Variants in WWOX observed in about 807,000 individuals in gnomAD.
WWOX encodes the protein WW domain-containing oxidoreductase.
Under a neutral mutation model 46.2 loss-of-function variants are expected in WWOX, and 69 were observed. The ratio of observed to expected loss-of-function variants is 1.49; its 90% confidence interval spans 1.23 to 1.82. The LOEUF (loss-of-function observed/expected upper bound fraction) is 1.82, where lower values mean the gene tolerates loss of function less well. Ranked by LOEUF, WWOX falls within the 40% of genes most tolerant of loss-of-function variation. The probability of loss-of-function intolerance (pLI) is 0.00; values close to 1 mark genes in which losing one functional copy is unlikely to be tolerated. For synonymous variants in WWOX, 359 were observed against 202.6 expected, an observed-to-expected ratio of 1.77 and a Z score of -6.56; for missense variants, 919 against 542.6, an observed-to-expected ratio of 1.69 and a Z score of -6.89.
intron 8 of WWOX, among the ~76,000 whole-genome samples, chr16:78,804,688 G>T (rs903044084): frequency 6.6e-6 from 1 of 151,682 alleles, no homozygotes; most frequent in Non-Finnish European, 1.5e-5. Context: ...TCAAATTTCT[G>T]TTTTTTTTCT....
intron 8 of WWOX, among the ~76,000 whole-genome samples, chr16:78,839,583 A>G (rs906535643): frequency 6.6e-6 from 1 of 152,210 alleles, no homozygotes; most frequent in Admixed American, 6.5e-5. Flanking sequence ...CTATGAAATG[A>G]ACTGCATCCC....
intron 7 of WWOX, among the ~76,000 whole-genome samples, chr16:78,428,975 C>G (rs1269713213): frequency 6.6e-6 from 1 of 152,162 alleles, no homozygotes; most frequent in Non-Finnish European, 1.5e-5. Context: ...GGGAAACTGT[C>G]AAATTCTCAT....
intron 8 of WWOX, among the ~76,000 whole-genome samples, chr16:78,487,410 G>A (rs1239915068): frequency 6.6e-6 from 1 of 152,094 alleles, no homozygotes; most frequent in African/African-American, 2.4e-5. Flanking sequence ...ATCTATTAAG[G>A]ATGAGTCCAC....
chr16:78,707,842 T>A (rs572019947), intron 8 of WWOX, among the ~76,000 whole-genome samples: 587 of 15,336 alleles, frequency 0.038, 2 homozygotes, highest in African/African-American at 0.1. Flanking sequence ...CTCAAAAATA[T>A]AAATAAATAA....
chr16:78,749,359 C>A (rs1027662684), intron 8 of WWOX, among the ~76,000 whole-genome samples: 4 of 152,022 alleles, frequency 2.6e-5, no homozygotes, highest in Admixed American at 1.3e-4. Flanking sequence ...CAAAACAAAA[C>A]AATGTTTTAA....
In WWOX at chr16:78,425,983, G is replaced by A. The variant is rs1023503119; in HGVS notation, c.791+928G>A. The stretch of plus-strand genomic sequence containing the variant: ...TAACCCCTGGGACTTGGAAGAGAGA[G>A]ACCAGCCAAGGGTTAGCTTGAACCC... On this transcript the variant is annotated intron_variant, in intron 7 of 8. Coordinates refer to ENST00000566780, the MANE Select transcript of WWOX (RefSeq NM_016373.4). 2.0e-5 allele frequency among the ~76,000 whole-genome samples: 3 copies of A among 152,248 alleles called. No homozygotes were observed. The East Asian group carries it at 5.8e-4, about 29-fold the overall frequency.
chr16:78,735,137 G>A (rs951239696), intron 8 of WWOX, among the ~76,000 whole-genome samples: 4 of 151,762 alleles, frequency 2.6e-5, no homozygotes, highest in African/African-American at 9.7e-5. Flanking sequence ...AAAGTGCTGG[G>A]ATTACAGGGG....
chr16:78,796,187 A>G (rs754661327), intron 8 of WWOX, among the ~76,000 whole-genome samples: 1 of 152,220 alleles, frequency 6.6e-6, no homozygotes, highest in Admixed American at 6.5e-5. Flanking sequence ...GTTAACTCCT[A>G]GAACTGTCGT....
chr16:78,921,246 A>G (rs2045371695), intron 8 of WWOX, among the ~76,000 whole-genome samples: 2 of 152,174 alleles, frequency 1.3e-5, no homozygotes, highest in Non-Finnish European at 2.9e-5. Context: ...TCGAAACCGC[A>G]CTGTGCCAGA....
At chr16:78,779,765 T>G (rs1173923239) in intron 8 of WWOX, among the ~76,000 whole-genome samples, 1 of 152,138 alleles carries the variant, frequency 6.6e-6, no homozygotes, top group Non-Finnish European at 1.5e-5. Context: ...AGGCAGCACG[T>G]TGGTGGCAGA....
chr16:78,800,726 T>G (rs1201316431), intron 8 of WWOX, among the ~76,000 whole-genome samples: 2 of 152,184 alleles, frequency 1.3e-5, no homozygotes, highest in Admixed American at 6.5e-5. Context: ...ATGAGGGAAT[T>G]GTCTAAAATC....
chr16:79,020,702 G>A (rs1355230762), intron 8 of WWOX, among the ~76,000 whole-genome samples: 1 of 152,166 alleles, frequency 6.6e-6, no homozygotes, highest in Non-Finnish European at 1.5e-5. Context: ...GTGGTGAGTA[G>A]GATAAAGCTC....
At chr16:78,285,743 A>G (rs1333663885) in intron 5 of WWOX, among the ~76,000 whole-genome samples, 1 of 152,172 alleles carries the variant, frequency 6.6e-6, no homozygotes, top group Non-Finnish European at 1.5e-5. Context: ...TTGCGCCTAA[A>G]TAGCTGAGGA....
chr16:78,600,046 G>C (rs185990650), intron 8 of WWOX, among the ~76,000 whole-genome samples: 107 of 152,280 alleles, frequency 7.0e-4, no homozygotes, highest in African/African-American at 2.5e-3. Flanking sequence ...TGGAAGGCAA[G>C]GAGGAGCAAA....
chr16:78,854,906 C>CTTT (rs11324333), intron 8 of WWOX, among the ~76,000 whole-genome samples: 3 of 141,354 alleles, frequency 2.1e-5, no homozygotes, highest in African/African-American at 7.8e-5. Context: ...TGAACAGCAG[C>CTTT]TTTTTTTTTT....
chr16:79,115,502 C>T (rs917982119), intron 8 of WWOX, among the ~76,000 whole-genome samples: 2 of 152,194 alleles, frequency 1.3e-5, no homozygotes, highest in Non-Finnish European at 1.5e-5. Flanking sequence ...AGCCTTTTAG[C>T]AGCTGCCACA....
chr16:78,274,152 G>A (rs1488181436), intron 5 of WWOX, among the ~76,000 whole-genome samples: 3 of 152,010 alleles, frequency 2.0e-5, no homozygotes, highest in Admixed American at 6.6e-5. Context: ...CCCAAACACT[G>A]CTTGCTTTTT....
intron 5 of WWOX, among the ~76,000 whole-genome samples, chr16:78,353,612 G>C (rs143717234): frequency 6.6e-6 from 1 of 152,192 alleles, no homozygotes; most frequent in African/African-American, 2.4e-5. Context: ...GCAAAGACTT[G>C]GGGATAATTA....
chr16:78,943,853 C>T (rs1268993210), intron 8 of WWOX, among the ~76,000 whole-genome samples: 1 of 152,122 alleles, frequency 6.6e-6, no homozygotes, highest in Non-Finnish European at 1.5e-5. Context: ...CGAAAGAGCA[C>T]AGCTTCTGGA....
Sources: allele counts gnomAD v4.1 joint callset (sites outside exome capture counted in the v4.1 genomes callset), GRCh38; gene constraint gnomAD v4.1.1; transcripts MANE v1.5; gene names NCBI Gene and HGNC (gene_info 2026-07-23, HGNC 2026-07-21).